Variants in SSU72 observed in about 807,000 individuals in gnomAD.
SSU72 encodes SSU72 homolog, RNA polymerase II CTD phosphatase, also known as RNA polymerase II subunit A C-terminal domain phosphatase SSU72.
Under a neutral mutation model 22.7 loss-of-function variants are expected in SSU72, and 12 were observed. That is an observed-to-expected ratio of 0.53 (90% CI 0.34 to 0.86). The LOEUF (loss-of-function observed/expected upper bound fraction) is 0.86, where lower values mean the gene tolerates loss of function less well. Ranked by LOEUF, SSU72 falls within the 40% of genes least tolerant of loss-of-function variation. The pLI is 0.02. For missense variants in SSU72, 151 were observed against 249.8 expected (o/e 0.60, Z 2.67); for synonymous variants, 116 against 98.3 (o/e 1.18, Z -1.06).
chr1:1,559,773 C>G (rs1412561924), intron 2 of SSU72, among the ~76,000 whole-genome samples: 1 of 152,152 alleles, frequency 6.6e-6, no homozygotes, highest in South Asian at 2.1e-4. Context: ...GTTGCCCAGG[C>G]TGGAGTGCAA....
intron 2 of SSU72, among the ~76,000 whole-genome samples, chr1:1,556,820 C>T (rs1344014373): frequency 6.6e-6 from 1 of 152,208 alleles, no homozygotes. Context: ...CTTGTGGGCC[C>T]TGACCCTGGG....
chr1:1,573,429 C>CAAAAAAAAAAAAAAAAAAA (rs56930035), intron 1 of SSU72, among the ~76,000 whole-genome samples: 10 of 107,446 alleles, frequency 9.3e-5, no homozygotes, highest in Non-Finnish European at 1.5e-4. Context: ...GACTCTGTCT[C>CAAAAAAAAAAAAAAAAAAA]AAAAAAAAAA....
chr1:1,555,841 T>A (rs548534905), intron 2 of SSU72, among the ~76,000 whole-genome samples: 7 of 151,240 alleles, frequency 4.6e-5, no homozygotes, highest in Non-Finnish European at 7.4e-5. Flanking sequence ...CTACTAAAAA[T>A]AAAAAAATCA....
chr1:1,574,021 CAA>C (rs71578327), intron 1 of SSU72, among the ~76,000 whole-genome samples: 3 of 87,588 alleles, frequency 3.4e-5, no homozygotes, highest in Non-Finnish European at 3.9e-5. Context: ...GGATCTTTCG[CAA>C]AAAAAAAAAA....
intron 4 of SSU72, 75 bp downstream of exon 4, chr1:1,543,769 CCCCCTCTGTCACGGCCTCGGCCACT>C (rs1557493931): frequency 2.1e-5 from 18 of 856,800 alleles, no homozygotes; most frequent in East Asian, 3.2e-5. Context: ...GCCTCGGCCA[CCCCCTCTGTCACGGCCTCGGCCACT>C]CCCCTCTGTC....
intron 2 of SSU72, among the ~76,000 whole-genome samples, chr1:1,547,214 C>T (rs1642401082): frequency 6.6e-6 from 1 of 152,054 alleles, no homozygotes; most frequent in Admixed American, 6.5e-5. Context: ...AAGACACAGC[C>T]GGGGGTGAGG....
intron 3 of SSU72, 118 bp from the exon 4 acceptor site, chr1:1,544,105 G>A (rs1642360516): frequency 1.4e-6 from 1 of 729,514 alleles, no homozygotes; most frequent in South Asian, 1.7e-5. Flanking sequence ...AGTGGTTTCT[G>A]GACTCTGCAG....
intron 2 of SSU72, among the ~76,000 whole-genome samples, chr1:1,546,857 CAACAAAAAAA>C (rs1402954400): frequency 1.5e-5 from 1 of 66,742 alleles, no homozygotes; most frequent in East Asian, 4.5e-4. Flanking sequence ...ACAACAACAA[CAACAAAAAAA>C]AAAAAAAAAA....
intron 2 of SSU72, among the ~76,000 whole-genome samples, chr1:1,547,664 G>A (rs1315411531): frequency 1.3e-5 from 2 of 152,250 alleles, no homozygotes; most frequent in African/African-American, 2.4e-5. Flanking sequence ...AAGGCTCAGA[G>A]CAAGGCGAGA....
chr1:1,574,439 C>A, intron 1 of SSU72, 39 bp downstream of exon 1: 7 of 1,564,540 alleles, frequency 4.5e-6, no homozygotes, highest in Non-Finnish European at 6.0e-6. Flanking sequence ...GGCCGGTCGC[C>A]GGAGCAGAGC....
At chr1:1,545,260 C>A in intron 2 of SSU72, 1 of 467,996 alleles carries the variant, frequency 2.1e-6, no homozygotes, top group Non-Finnish European at 3.9e-6. Flanking sequence ...CCAAGGCCCG[C>A]AGGACACCCC....
intron 2 of SSU72, among the ~76,000 whole-genome samples, chr1:1,553,619 C>CAAAAAAAAAAA (rs59261076): frequency 1.3e-4 from 13 of 100,714 alleles, no homozygotes; most frequent in East Asian, 7.3e-4. Context: ...ACTAAAAATA[C>CAAAAAAAAAAA]AAAAAAAAAA....
chr1:1,558,204 T>TAAAAAAAAA (rs3073299), intron 2 of SSU72, among the ~76,000 whole-genome samples: 27 of 126,204 alleles, frequency 2.1e-4, no homozygotes, highest in African/African-American at 6.7e-4. Flanking sequence ...CTGTCTCAAT[T>TAAAAAAAAA]AAAAAAAAAA....
At chr1:1,564,446 G>C (rs1041574240) in intron 2 of SSU72, 3 of 1,464,254 alleles carry the variant, frequency 2.0e-6, no homozygotes, top group South Asian at 1.4e-5. Context: ...CAGCCCTGCA[G>C]TGTGAAAAGC....
chr1:1,567,981 C>T (rs986625024), intron 1 of SSU72, among the ~76,000 whole-genome samples: 1 of 151,240 alleles, frequency 6.6e-6, no homozygotes. Flanking sequence ...AAGGAGACAG[C>T]CTGCCTCCCA....
At chr1:1,565,528 A>G (rs1642649613) in intron 1 of SSU72, among the ~76,000 whole-genome samples, 2 of 152,234 alleles carry the variant, frequency 1.3e-5, no homozygotes. Flanking sequence ...CTGGCTTTGG[A>G]GGATCCAAGT....
chr1:1,543,385 C>T (rs1167934831), intron 4 of SSU72, among the ~76,000 whole-genome samples: 3 of 152,226 alleles, frequency 2.0e-5, no homozygotes, highest in African/African-American at 7.2e-5. Flanking sequence ...AGGTACCAGG[C>T]GTTCCCTGGA....
chr1:1,574,357 C>T lies in SSU72; in HGVS notation c.80+121G>A, dbSNP rs1201434547. On this transcript the variant is annotated intron_variant, in intron 1 of 4. Coordinates refer to ENST00000291386, the MANE Select transcript of SSU72 (RefSeq NM_014188.3). The stretch of plus-strand genomic sequence containing the variant: ...CAGCTGCCATCCCAACCAGCCGACC[C>T]ACGAGCGCGGCCCGGCCCGGCTTCC... 1.4e-5 allele frequency: 15 copies of T among 1,080,622 alleles called. No individual in the cohort carries two copies. In the East Asian group the frequency reaches 4.5e-4, roughly 32 times the overall value. 66.9% of individuals were successfully genotyped at this position (1,080,622 alleles called of 1,614,324 possible).
chr1:1,573,429 C>CAAA (rs56930035), intron 1 of SSU72, among the ~76,000 whole-genome samples: 89 of 107,532 alleles, frequency 8.3e-4, no homozygotes, highest in Non-Finnish European at 1.9e-3. Context: ...GACTCTGTCT[C>CAAA]AAAAAAAAAA....
Sources: gnomAD v4.1 joint callset for allele counts (sites outside exome capture counted in the v4.1 genomes callset) on GRCh38, gnomAD v4.1.1 for gene constraint, MANE v1.5 for transcripts, NCBI Gene and HGNC (gene_info 2026-07-23, HGNC 2026-07-21) for gene names.